The following WDPCP variants were observed in gnomAD, a reference collection of about 807,000 sequenced individuals.
WDPCP encodes WD repeat containing planar cell polarity effector.
Under a neutral mutation model 93.1 loss-of-function variants are expected in WDPCP, and 71 were observed. The observed-to-expected ratio is 0.76, with a 90% confidence interval of 0.63 to 0.93. WDPCP has a LOEUF of 0.93. Ranked by LOEUF, WDPCP falls within the 40% of genes least tolerant of loss-of-function variation. The pLI is 0.00. For missense variants in WDPCP, 844 were observed against 887.4 expected (o/e 0.95, Z 0.62); for synonymous variants, 315 against 315.0 (o/e 1.00, Z 0.00).
the WDPCP span, among the ~76,000 whole-genome samples, chr2:63,838,049 C>G: frequency 6.6e-6 from 1 of 151,818 alleles, no homozygotes; most frequent in African/African-American, 2.4e-5. Flanking sequence ...GAGCCGAGAT[C>G]GCACCACTGC....
chr2:63,297,043 T>TG (rs1236359942), intron 13 of WDPCP, among the ~76,000 whole-genome samples: 2 of 152,172 alleles, frequency 1.3e-5, no homozygotes, highest in Non-Finnish European at 2.9e-5. Context: ...GCTGTTGTTC[T>TG]GGATGCCTAC....
At chr2:63,285,213 G>C (rs1207100090) in intron 13 of WDPCP, among the ~76,000 whole-genome samples, 1 of 152,144 alleles carries the variant, frequency 6.6e-6, no homozygotes, top group Non-Finnish European at 1.5e-5. Context: ...GGCGGATCAC[G>C]AGGTAAGGAG....
At chr2:63,152,798 G>A in intron 17 of WDPCP, 116 bp downstream of exon 17, 1 of 922,950 alleles carries the variant, frequency 1.1e-6, no homozygotes, top group Non-Finnish European at 1.7e-6. Flanking sequence ...TCTAGTTAAT[G>A]TAGTCCAGTT....
intron 3 of WDPCP, among the ~76,000 whole-genome samples, chr2:63,598,863 A>G (rs1709365938): frequency 6.6e-6 from 1 of 151,078 alleles, no homozygotes; most frequent in South Asian, 2.1e-4. Flanking sequence ...GAGACAATGA[A>G]GTATCTTGTC....
intron 17 of WDPCP, among the ~76,000 whole-genome samples, chr2:63,139,134 T>TGTATGTG (rs1164915046): frequency 6.7e-6 from 1 of 148,828 alleles, no homozygotes; most frequent in African/African-American, 2.5e-5. Flanking sequence ...CATATATACA[T>TGTATGTG]GTATGTGTGT....
At chr2:63,138,069 ATTTTTT>A (rs34667163) in intron 17 of WDPCP, among the ~76,000 whole-genome samples, 3 of 117,126 alleles carry the variant, frequency 2.6e-5, no homozygotes, top group African/African-American at 6.6e-5. Context: ...GTTCCATATG[ATTTTTT>A]TTTTTTTTTT....
intron 17 of WDPCP, among the ~76,000 whole-genome samples, chr2:63,144,388 T>C (rs1377699636): frequency 6.6e-6 from 1 of 152,144 alleles, no homozygotes; most frequent in Non-Finnish European, 1.5e-5. Flanking sequence ...GTTCCAGTGA[T>C]TCCCTGGCTA....
intron 17 of WDPCP, among the ~76,000 whole-genome samples, chr2:63,140,751 T>A (rs1449909253): frequency 6.6e-6 from 1 of 152,196 alleles, no homozygotes; most frequent in Non-Finnish European, 1.5e-5. Context: ...GATTGTATCA[T>A]CAGCAAACAG....
At chr2:63,289,860 G>T (rs1200037631) in intron 13 of WDPCP, among the ~76,000 whole-genome samples, 1 of 151,342 alleles carries the variant, frequency 6.6e-6, no homozygotes, top group Non-Finnish European at 1.5e-5. Context: ...TCTTATCTCT[G>T]GTGATACTTT....
At chr2:63,774,574 C>G (rs1225128708) in intron 2 of WDPCP, among the ~76,000 whole-genome samples, 1 of 152,094 alleles carries the variant, frequency 6.6e-6, no homozygotes, top group African/African-American at 2.4e-5. Context: ...GCTATTTTCA[C>G]TTGAATAACT....
At chr2:63,746,996 G>A (rs941158187) in intron 2 of WDPCP, among the ~76,000 whole-genome samples, 3 of 152,026 alleles carry the variant, frequency 2.0e-5, no homozygotes, top group Admixed American at 6.6e-5. Flanking sequence ...GTCTCTCCCA[G>A]ACACCCAGCT....
chr2:63,729,999 T>C (rs1271094758), intron 2 of WDPCP, among the ~76,000 whole-genome samples: 1 of 152,168 alleles, frequency 6.6e-6, no homozygotes, highest in Non-Finnish European at 1.5e-5. Context: ...GAAAGAGCCA[T>C]TCCCCAGGCA....
In WDPCP at chr2:63,300,371, A is replaced by T. The variant is rs189895030; in HGVS notation, c.1812+12877T>A. Among the ~76,000 whole-genome samples, 49 of 152,088 alleles carry T rather than the reference A, an allele frequency of 3.2e-4. 1 individual carries two copies. The highest frequency in any genetic ancestry group is 3.4e-3 in the Middle Eastern group (1 of 294). On this transcript the variant is annotated intron_variant, in intron 13 of 17. Coordinates refer to ENST00000272321, the MANE Select transcript of WDPCP (RefSeq NM_015910.7). The stretch of plus-strand genomic sequence containing the variant: ...CAAAATGGTGAGTAGAGGGGAGCGA[A>T]CTCCAACTCTGTCCTTTCCTTCTGA...
intron 12 of WDPCP, among the ~76,000 whole-genome samples, chr2:63,355,019 T>C (rs1040914583): frequency 1.3e-5 from 2 of 152,138 alleles, no homozygotes; most frequent in African/African-American, 2.4e-5. Flanking sequence ...GAAAACATAT[T>C]TCAGGATATG....
chr2:63,431,752 A>T (rs1234571368), intron 9 of WDPCP, among the ~76,000 whole-genome samples: 1 of 152,126 alleles, frequency 6.6e-6, no homozygotes, highest in African/African-American at 2.4e-5. Context: ...TGACTTTCAC[A>T]TGAAGCTCTA....
At chr2:63,746,317 G>T (rs1318923198) in intron 2 of WDPCP, among the ~76,000 whole-genome samples, 3 of 152,128 alleles carry the variant, frequency 2.0e-5, no homozygotes, top group African/African-American at 7.2e-5. Flanking sequence ...AGCTGAGGAT[G>T]TATGTGGCCT....
At chr2:63,333,751 C>T (rs1003242271) in intron 12 of WDPCP, among the ~76,000 whole-genome samples, 2 of 152,194 alleles carry the variant, frequency 1.3e-5, no homozygotes, top group East Asian at 3.9e-4. Flanking sequence ...TAAAACCAAG[C>T]TGCACTCTGA....
intron 13 of WDPCP, among the ~76,000 whole-genome samples, chr2:63,281,029 C>G (rs996015405): frequency 2.0e-5 from 3 of 152,092 alleles, no homozygotes; most frequent in African/African-American, 4.8e-5. Context: ...AAATAATCAG[C>G]AGAGTTAACA....
intron 13 of WDPCP, among the ~76,000 whole-genome samples, chr2:63,306,089 C>T (rs1388704356): frequency 1.3e-5 from 2 of 152,126 alleles, no homozygotes; most frequent in African/African-American, 4.8e-5. Context: ...ATACAAACTA[C>T]CATCAGAGAA....
Sources: allele counts gnomAD v4.1 joint callset (sites outside exome capture counted in the v4.1 genomes callset), GRCh38; gene constraint gnomAD v4.1.1; transcripts MANE v1.5; gene names NCBI Gene and HGNC (gene_info 2026-07-23, HGNC 2026-07-21).